MTUS1: variants seen among roughly 807,000 people sequenced by gnomAD.
MTUS1 encodes microtubule-associated tumor suppressor 1.
MTUS1 carries 109 observed loss-of-function variants against 120.8 expected under a neutral mutation model. The observed-to-expected ratio is 0.90, with a 90% CI of 0.77 to 1.06. The LOEUF (loss-of-function observed/expected upper bound fraction) is 1.06. Among genes scored for constraint, MTUS1 ranks in the 50% least tolerant of loss-of-function variants. MTUS1 has a pLI of 0.00. For synonymous variants in MTUS1, 737 were observed against 550.5 expected, an observed-to-expected ratio of 1.34 and a Z score of -4.74; for missense variants, 2,210 against 1,486.3, an observed-to-expected ratio of 1.49 and a Z score of -8.01.
chr8:17,646,524 G>T (rs1805829450), intron 14 of MTUS1, among the ~76,000 whole-genome samples: 1 of 152,188 alleles, frequency 6.6e-6, no homozygotes, highest in Admixed American at 6.5e-5. Context: ...GGAGGTGGAG[G>T]CTGCAGTAAG....
At chr8:17,716,016 C>T in intron 4 of MTUS1, 115 bp from the exon 5 acceptor site, 2 of 888,170 alleles carry the variant, frequency 2.3e-6, no homozygotes, top group Admixed American at 5.0e-5. Context: ...TACGACATGC[C>T]AGTCATTACT....
At chr8:17,669,568 A>AGGAGTG (rs1811588889) in intron 8 of MTUS1, among the ~76,000 whole-genome samples, 1 of 152,296 alleles carries the variant, frequency 6.6e-6, no homozygotes, top group African/African-American at 2.4e-5. Flanking sequence ...AGTACAGGCC[A>AGGAGTG]GGAGTGGTGG....
Position 17,755,534 on chromosome 8 carries a change from T to A in MTUS1, c.274A>T (p.Lys92Ter). 1 of 1,614,222 alleles carries A rather than the reference T, an allele frequency of 6.2e-7. No individual in the cohort carries two copies. The highest frequency in any genetic ancestry group is 8.5e-7 in the Non-Finnish European group (1 of 1,180,028). ...HEKSSSDFIS[K>*]QVLDMHKDSI... ...TCTTTATGCATATCTAACACCTGCT[T>A]ACTAATGAAATCACTAGAAGACTTT... Residue 92 changes from lysine to a stop codon, truncating the protein, a stop_gained, in exon 2 of 15, where the codon AAG becomes TAG. Coordinates refer to ENST00000693296, the MANE Select transcript of MTUS1 (RefSeq NM_001363059.2). LOFTEE classifies it high-confidence loss of function.
intron 1 of MTUS1, among the ~76,000 whole-genome samples, chr8:17,783,329 G>C (rs1295695440): frequency 1.3e-5 from 2 of 152,094 alleles, no homozygotes; most frequent in Non-Finnish European, 2.9e-5. Context: ...GCTAAAGGTG[G>C]GGGTGTGCCA....
chr8:17,733,514 A>T (rs774529377), intron 3 of MTUS1, among the ~76,000 whole-genome samples: 4 of 152,200 alleles, frequency 2.6e-5, no homozygotes, highest in Non-Finnish European at 4.4e-5. Context: ...TCTCACTTTT[A>T]ATTTAAAATG....
At chr8:17,678,781 G>A (rs1813644767) in intron 7 of MTUS1, among the ~76,000 whole-genome samples, 1 of 147,008 alleles carries the variant, frequency 6.8e-6, no homozygotes, top group Non-Finnish European at 1.5e-5. Flanking sequence ...GAGGCATTTT[G>A]AAGAATTAGA....
At chr8:17,697,296 G>C in intron 6 of MTUS1, 2 of 1,614,154 alleles carry the variant, frequency 1.2e-6, no homozygotes, top group East Asian at 2.2e-5. Context: ...AACCCTGAAG[G>C]AAGTCGAAGG....
At chr8:17,742,511 G>GT (rs1409520607) in intron 3 of MTUS1, among the ~76,000 whole-genome samples, 3 of 151,810 alleles carry the variant, frequency 2.0e-5, no homozygotes, top group Non-Finnish European at 4.4e-5. Context: ...TTTGGCCTCT[G>GT]TTTTTCTCCC....
Position 17,743,643 on chromosome 8 carries a change from C to T in MTUS1, c.2248G>A (p.Ala750Thr), listed in dbSNP as rs1405349256. 4.3e-6 allele frequency: 7 copies of T among 1,614,028 alleles called. No homozygotes were observed. In the Admixed American group the frequency reaches 5.0e-5, roughly 12 times the overall value. Residue 750 changes from alanine (A) to threonine (T), a missense_variant, in exon 3 of 15, where the codon GCC becomes ACC. Coordinates refer to ENST00000693296, the MANE Select transcript of MTUS1 (RefSeq NM_001363059.2). ...SDNRNPSADR[A>T]VSPQRIRRVS... Reference sequence around the variant, plus strand: ...CGCCTGATCCTCTGAGGAGATACGGCTCGATCAGCACTGGGATTTCTATTG... The same window carrying T: ...CGCCTGATCCTCTGAGGAGATACGGTTCGATCAGCACTGGGATTTCTATTG...
chr8:17,684,256 C>T (rs935641087), intron 7 of MTUS1, 72 bp downstream of exon 7: 14 of 1,057,776 alleles, frequency 1.3e-5, no homozygotes, highest in East Asian at 7.1e-5. Flanking sequence ...CCAAGGCCAG[C>T]GTGTGAGCAA....
intron 8 of MTUS1, among the ~76,000 whole-genome samples, chr8:17,664,940 CT>C (rs1462467511): frequency 6.6e-6 from 1 of 152,190 alleles, no homozygotes; most frequent in Non-Finnish European, 1.5e-5. Flanking sequence ...GGGACCCAGA[CT>C]ATCCCACAAA....
chr8:17,743,668 G>A lies in MTUS1; in HGVS notation c.2223C>T (p.Asp741=). The change falls in exon 3 of 15, where the codon GAC becomes GAT. Residue 741 remains aspartate, a synonymous_variant. Coordinates refer to ENST00000693296, the MANE Select transcript of MTUS1 (RefSeq NM_001363059.2). ...PPVSCLRRNS[D]NRNPSADRAV... ...CTCGATCAGCACTGGGATTTCTATTGTCACTGTTCCGCCTCAAACAGGAAA... is the reference window on the plus strand; with the variant it reads ...CTCGATCAGCACTGGGATTTCTATTATCACTGTTCCGCCTCAAACAGGAAA... 1 of 1,613,910 alleles carries A rather than the reference G, an allele frequency of 6.2e-7. No individual in the cohort carries two copies. The highest frequency in any genetic ancestry group is 8.5e-7 in the Non-Finnish European group (1 of 1,179,976).
At chr8:17,728,540 C>T (rs35800648) in intron 3 of MTUS1, among the ~76,000 whole-genome samples, 1 of 152,242 alleles carries the variant, frequency 6.6e-6, no homozygotes, top group Non-Finnish European at 1.5e-5. Flanking sequence ...CCAGAACCAC[C>T]TGACATCCTG....
intron 1 of MTUS1, among the ~76,000 whole-genome samples, chr8:17,761,110 T>C (rs17125287): frequency 0.015 from 2,233 of 152,236 alleles, 64 homozygotes; most frequent in African/African-American, 0.051. Flanking sequence ...CTTAAACGGT[T>C]ACCAAAATAT....
At chr8:17,672,078 C>T (rs1423749884) in intron 8 of MTUS1, among the ~76,000 whole-genome samples, 1 of 152,128 alleles carries the variant, frequency 6.6e-6, no homozygotes, top group Non-Finnish European at 1.5e-5. Context: ...TCTACTGGAT[C>T]AGGAGAATAC....
rs1288736313 is a variant in MTUS1, at chr8:17,743,649, C to T, written c.2242G>A (p.Asp748Asn). The change falls in exon 3 of 15, where the codon GAT becomes AAT. Residue 748 changes from aspartate to asparagine, a missense_variant. Transcript: ENST00000693296. ...RNSDNRNPSA[D>N]RAVSPQRIRR... ...ATCCTCTGAGGAGATACGGCTCGATCAGCACTGGGATTTCTATTGTCACTG... is the reference window on the plus strand; with the variant it reads ...ATCCTCTGAGGAGATACGGCTCGATTAGCACTGGGATTTCTATTGTCACTG... 2 of 1,614,000 alleles carry T rather than the reference C, an allele frequency of 1.2e-6. No homozygotes were observed. Among genetic ancestry groups the T allele is most frequent in the Admixed American group, 3.3e-5 (2 of 60,010 alleles).
chr8:17,738,911 G>T (rs1017956025), intron 3 of MTUS1, among the ~76,000 whole-genome samples: 2 of 151,966 alleles, frequency 1.3e-5, no homozygotes, highest in African/African-American at 4.8e-5. Context: ...GGCCTAGGTG[G>T]GAGGATCACT....
chr8:17,670,167 G>A (rs1020534739), intron 8 of MTUS1, among the ~76,000 whole-genome samples: 3 of 152,212 alleles, frequency 2.0e-5, no homozygotes, highest in African/African-American at 7.2e-5. Context: ...GAACAGGGGT[G>A]AATGAGGAGA....
intron 6 of MTUS1, among the ~76,000 whole-genome samples, chr8:17,712,795 G>C (rs531754106): frequency 2.0e-4 from 2 of 10,114 alleles, no homozygotes; most frequent in Non-Finnish European, 2.1e-3. Context: ...GGCTATCTTG[G>C]GAATGTTAAG....
Sources: gnomAD v4.1 joint callset for allele counts (sites outside exome capture counted in the v4.1 genomes callset) on GRCh38, gnomAD v4.1.1 for gene constraint, MANE v1.5 for transcripts, NCBI Gene and HGNC (gene_info 2026-07-23, HGNC 2026-07-21) for gene names.